Variants in FUT8 observed in about 807,000 individuals in gnomAD.
The protein encoded by FUT8 is alpha-(1,6)-fucosyltransferase.
A neutral mutation model predicts 71.3 loss-of-function variants in FUT8; 29 were observed. That is an observed-to-expected ratio of 0.41 (90% CI 0.30 to 0.55). FUT8 has a LOEUF of 0.55. FUT8 is among the 20% of genes least tolerant of loss of function. The pLI is 0.34. For synonymous variants in FUT8, 254 were observed against 239.3 expected (o/e 1.06, Z -0.57); for missense variants, 544 against 702.1 (o/e 0.77, Z 2.55).
rs1300551400 is a variant in FUT8 at position 65,483,004 on chromosome 14, A to G, written c.-228+27286A>G. ...CTTCTGCAGTGCTCAGAGGGCAGCA[A>G]TACCCAGCAACCAGTGACCCGAGGC... On this transcript the variant is annotated intron_variant, in intron 2 of 10. Coordinates refer to ENST00000673929, the MANE Select transcript of FUT8 (RefSeq NM_001371533.1). This position sits in a 1 kb window ranked among gnomAD's most constrained non-coding sequence, Gnocchi z 4.4. 6.6e-6 allele frequency among the ~76,000 whole-genome samples: 1 copy of G among 152,158 alleles called. No individual in the cohort carries two copies. Among genetic ancestry groups the G allele is most frequent in the Non-Finnish European group, 1.5e-5 (1 of 68,036 alleles).
chr14:65,415,811 C>A (rs575047205), intron 1 of FUT8, among the ~76,000 whole-genome samples: 1 of 151,986 alleles, frequency 6.6e-6, no homozygotes, highest in African/African-American at 2.4e-5. Context: ...TCCAGCTGAT[C>A]TACCAAATTG....
chr14:65,476,570 C>T (rs994981903), intron 2 of FUT8, among the ~76,000 whole-genome samples: 5 of 146,924 alleles, frequency 3.4e-5, no homozygotes, highest in African/African-American at 1.3e-4. Flanking sequence ...TCTAGAGGGT[C>T]AGGAAAGGTC....
In FUT8 at chr14:65,742,195, C is replaced by T; in HGVS notation, c.1513C>T (p.His505Tyr). The change falls in exon 11 of 11, where the codon CAC (histidine) becomes TAC (tyrosine). Residue 505 changes from histidine to tyrosine, a missense_variant. Physicochemically the swap from His to Tyr is moderately conservative, Grantham distance 83 (BLOSUM62 2). Transcript: ENST00000673929. ...CTACTATTTTGGGGGCCAGAATGCCCACAATCAAATTGCCATTTATGCTCA... is the reference window on the plus strand; with the variant it reads ...CTACTATTTTGGGGGCCAGAATGCCTACAATCAAATTGCCATTTATGCTCA... ...DIYYFGGQNA[H>Y]NQIAIYAHQP... is the part of the protein sequence containing the mutation. 6.2e-7 allele frequency: 1 copy of T among 1,613,132 alleles called. No individual in the cohort carries two copies. The highest frequency in any genetic ancestry group is 1.7e-5 in the Admixed American group (1 of 59,876).
At chr14:65,500,513 G>T (rs1279149836) in intron 2 of FUT8, among the ~76,000 whole-genome samples, 1 of 152,168 alleles carries the variant, frequency 6.6e-6, no homozygotes, top group Non-Finnish European at 1.5e-5. Flanking sequence ...TCCATTTTAA[G>T]CTCATTTCCT....
At chr14:65,502,312 C>T (rs1294353426) in intron 2 of FUT8, among the ~76,000 whole-genome samples, 1 of 151,780 alleles carries the variant, frequency 6.6e-6, no homozygotes, top group Admixed American at 6.6e-5. Flanking sequence ...GCAATCTCCA[C>T]CCCCCAGGTT....
chr14:65,439,973 T>TAC (rs2065625006), intron 1 of FUT8, among the ~76,000 whole-genome samples: 1 of 135,964 alleles, frequency 7.4e-6, no homozygotes, highest in South Asian at 2.3e-4. Flanking sequence ...TATATATATA[T>TAC]ATATATATAT....
intron 2 of FUT8, among the ~76,000 whole-genome samples, chr14:65,468,765 C>T (rs188450005): frequency 1.4e-4 from 21 of 152,056 alleles, no homozygotes; most frequent in Admixed American, 4.6e-4. Flanking sequence ...TCCCCTTCCT[C>T]GCCTCCCCTC....
intron 3 of FUT8, among the ~76,000 whole-genome samples, chr14:65,598,040 G>T (rs1477570928): frequency 6.6e-6 from 1 of 152,054 alleles, no homozygotes; most frequent in Non-Finnish European, 1.5e-5. Context: ...GGGCATGGTG[G>T]CGTACACATG....
chr14:65,615,941 A>G (rs1342512950), intron 3 of FUT8, 37 bp from the exon 4 acceptor site: 1 of 1,430,770 alleles, frequency 7.0e-7, no homozygotes, highest in South Asian at 1.2e-5. Flanking sequence ...GCACAGTTTG[A>G]AAGCTAAATG....
chr14:65,450,272 G>T (rs937082286), intron 1 of FUT8, among the ~76,000 whole-genome samples: 2 of 152,100 alleles, frequency 1.3e-5, no homozygotes, highest in Admixed American at 6.5e-5. Context: ...TAAAACCTGT[G>T]ATTCCTAGCC....
chr14:65,553,297 T>C (rs575961712), intron 2 of FUT8, among the ~76,000 whole-genome samples: 20 of 152,280 alleles, frequency 1.3e-4, no homozygotes, highest in Middle Eastern at 3.4e-3. Context: ...TAGCAGTTCA[T>C]GTGTAGTGAG....
chr14:65,538,956 A>C (rs1884513798), intron 2 of FUT8, among the ~76,000 whole-genome samples: 2 of 151,962 alleles, frequency 1.3e-5, no homozygotes, highest in Admixed American at 1.3e-4. Flanking sequence ...CACAAAAAAA[A>C]CGCTGCTTCT....
At chr14:65,526,986 G>T (rs1242149665) in intron 2 of FUT8, among the ~76,000 whole-genome samples, 1 of 152,174 alleles carries the variant, frequency 6.6e-6, no homozygotes, top group Non-Finnish European at 1.5e-5. Flanking sequence ...CTCTCTGGCT[G>T]CCCTTAACAT....
intron 7 of FUT8, among the ~76,000 whole-genome samples, chr14:65,692,834 ACG>A (rs1893749814): frequency 1.7e-5 from 2 of 119,548 alleles, no homozygotes; most frequent in African/African-American, 3.3e-5. Context: ...AGACGGGGTC[ACG>A]GCCGGGCAGA....
At chr14:65,385,852 C>T in the FUT8 span, among the ~76,000 whole-genome samples, 3 of 151,636 alleles carry the variant, frequency 2.0e-5, no homozygotes, top group Non-Finnish European at 4.4e-5. Context: ...TATTATATTT[C>T]GCATTTTAAG....
At chr14:65,614,852 T>C (rs1016103512) in intron 3 of FUT8, among the ~76,000 whole-genome samples, 3 of 152,204 alleles carry the variant, frequency 2.0e-5, no homozygotes, top group African/African-American at 4.8e-5. Context: ...GTTATGGATA[T>C]CTTTGGGAGA....
chr14:65,370,310 C>T, the FUT8 span, among the ~76,000 whole-genome samples: 1 of 150,896 alleles, frequency 6.6e-6, no homozygotes, highest in African/African-American at 2.4e-5. Flanking sequence ...CGGGTTCACG[C>T]CATTCTCCCA....
intron 2 of FUT8, among the ~76,000 whole-genome samples, chr14:65,514,188 T>A (rs1266851166): frequency 6.6e-6 from 1 of 151,006 alleles, no homozygotes; most frequent in East Asian, 2.0e-4. Flanking sequence ...CCAGTTGTCT[T>A]TATCAGGCAG....
At chr14:65,674,670 G>A (rs1207494724) in intron 7 of FUT8, among the ~76,000 whole-genome samples, 6 of 152,224 alleles carry the variant, frequency 3.9e-5, no homozygotes, top group East Asian at 1.9e-4. Context: ...GAGTCTCTCC[G>A]CAGCTACCTG....
Sources: gnomAD v4.1 joint callset for allele counts (sites outside exome capture counted in the v4.1 genomes callset) on GRCh38, gnomAD v4.1.1 for gene constraint, Gnocchi (gnomAD v3.1) non-coding constraint, MANE v1.5 for transcripts, NCBI Gene and HGNC (gene_info 2026-07-23, HGNC 2026-07-21) for gene names.